PPP4R3B: variants seen among roughly 807,000 people sequenced by gnomAD.
PPP4R3B encodes protein phosphatase 4 regulatory subunit 3B.
PPP4R3B carries 52 observed loss-of-function variants against 95.4 expected under a neutral mutation model. The observed-to-expected ratio is 0.54, with a 90% confidence interval of 0.44 to 0.69. PPP4R3B has a LOEUF of 0.69. PPP4R3B is among the 30% of genes least tolerant of loss of function. The probability of loss-of-function intolerance (pLI) is 0.00; values close to 1 mark genes in which losing one functional copy is unlikely to be tolerated. For missense variants in PPP4R3B, 1,003 were observed against 1,005.9 expected, an observed-to-expected ratio of 1.00 and a Z score of 0.04; for synonymous variants, 407 against 343.9, an observed-to-expected ratio of 1.18 and a Z score of -2.03.
In PPP4R3B at chr2:55,577,315, C is replaced by T. The variant is rs143373895; in HGVS notation, c.1606G>A (p.Asp536Asn). 1.1e-4 allele frequency: 170 copies of T among 1,546,236 alleles called. No individual in the cohort carries two copies. Among genetic ancestry groups the T allele is most frequent in the African/African-American group, 2.8e-4 (20 of 71,242 alleles). The change falls in exon 11 of 17, where the codon GAT (aspartate) becomes AAT (asparagine). Residue 536 changes from aspartate to asparagine, a missense_variant and splice_region_variant. By Grantham distance (23) the Asp-to-Asn change is conservative. This residue lies in a region of PPP4R3B where 695 missense variants were observed against 686.2 expected (regional missense o/e 1.01). Transcript: ENST00000616407. ...GSNKNNTICP[D>N]NYQTAQLLAL... Reference sequence around the variant, plus strand: ...TCATAAAGTATGAATTCATACTTACCGGGACAAATTGTGTTGTTTTTGTTT... The same window carrying T: ...TCATAAAGTATGAATTCATACTTACTGGGACAAATTGTGTTGTTTTTGTTT...
intron 15 of PPP4R3B, among the ~76,000 whole-genome samples, chr2:55,561,184 C>T (rs1686566992): frequency 6.6e-6 from 1 of 152,102 alleles, no homozygotes; most frequent in Non-Finnish European, 1.5e-5. Flanking sequence ...TTAGAGCGTG[C>T]AAGCCCCAAC....
rs753640987 is a variant in PPP4R3B, at chr2:55,578,295, G to T, written c.1516C>A (p.Pro506Thr). ...YRYSWSFICTPSHSHSHSTPS... is the reference protein window; with the variant it reads ...YRYSWSFICTTSHSHSHSTPS... The stretch of plus-strand genomic sequence containing the variant: ...GTAGAATGGGAATGGGAATGTGAAG[G>T]GGTACATATGAAACTCCAACTATAT... The change falls in exon 10 of 17, where the codon CCT becomes ACT. Residue 506 changes from proline (P) to threonine (T), a missense_variant. This residue lies in a region of PPP4R3B where 695 missense variants were observed against 686.2 expected (regional missense o/e 1.01). Coordinates refer to ENST00000616407, the MANE Select transcript of PPP4R3B (RefSeq NM_001122964.3). 2.7e-6 allele frequency: 4 copies of T among 1,475,518 alleles called. No homozygotes were observed. In the South Asian group the frequency reaches 6.0e-5, roughly 22 times the overall value. The allele number at this position is 1,475,518 out of a possible 1,614,324, so 91.4% of individuals were successfully genotyped here.
At chr2:55,561,552 G>C (rs1005227063) in intron 15 of PPP4R3B, among the ~76,000 whole-genome samples, 1 of 152,204 alleles carries the variant, frequency 6.6e-6, no homozygotes, top group African/African-American at 2.4e-5. Flanking sequence ...GCAGCCATGG[G>C]GGCTGTACCT....
In PPP4R3B at chr2:55,558,773, A is replaced by G. The variant is rs769042074; in HGVS notation, c.2454+2T>C. ...GTTTGTGTGTAATGCTGTTTCACCT[A>G]CCTTGGTGGCTGTTACTGACGTAGG... On this transcript the variant is annotated splice_donor_variant, in intron 16 of 16. Coordinates refer to ENST00000616407, the MANE Select transcript of PPP4R3B (RefSeq NM_001122964.3). LOFTEE classifies it high-confidence loss of function. 1.9e-6 allele frequency: 3 copies of G among 1,594,566 alleles called. No individual in the cohort carries two copies. The highest frequency in any genetic ancestry group is 2.6e-6 in the Non-Finnish European group (3 of 1,167,678).
Position 55,547,975 on chromosome 2 carries a change from T to C in PPP4R3B, c.*1936A>G, listed in dbSNP as rs1684886526. On this transcript the variant is annotated 3_prime_UTR_variant, in exon 17 of 17. Coordinates refer to ENST00000616407, the MANE Select transcript of PPP4R3B (RefSeq NM_001122964.3). ...ATGTGGGCTTATTTTAAGAAGAAAT[T>C]TACTAAAAGCTGAGAGATGGGTCTC... 6.6e-6 allele frequency: 1 copy of C among 152,162 alleles called. No homozygotes were observed. The highest frequency in any genetic ancestry group is 2.1e-4 in the South Asian group (1 of 4,830). The allele number at this position is 152,162 out of a possible 1,614,324, so 9.4% of individuals were successfully genotyped here.
chr2:55,593,591 C>T (rs1389434240), intron 4 of PPP4R3B, among the ~76,000 whole-genome samples: 1 of 152,054 alleles, frequency 6.6e-6, no homozygotes, highest in Non-Finnish European at 1.5e-5. Flanking sequence ...CAGAGTGAGA[C>T]TTTAGGAAAT....
intron 2 of PPP4R3B, chr2:55,614,743 A>C (rs886833904): frequency 1.3e-5 from 2 of 152,224 alleles, no homozygotes; most frequent in South Asian, 4.1e-4. Flanking sequence ...CGTAACATTA[A>C]CATTGTTAAA....
intron 7 of PPP4R3B, among the ~76,000 whole-genome samples, chr2:55,582,328 T>C (rs1300725079): frequency 6.6e-6 from 1 of 152,068 alleles, no homozygotes. Flanking sequence ...AGTGGGGCAA[T>C]CTGGGCTCAC....
At chr2:55,605,904 C>CAAAAAA (rs35675375) in intron 2 of PPP4R3B, among the ~76,000 whole-genome samples, 6 of 86,430 alleles carry the variant, frequency 6.9e-5, no homozygotes, top group Non-Finnish European at 1.3e-4. Flanking sequence ...GACTCCGTCT[C>CAAAAAA]AAAAAAAAAA....
intron 3 of PPP4R3B, among the ~76,000 whole-genome samples, chr2:55,599,802 C>G (rs1559035551): frequency 6.7e-6 from 1 of 149,832 alleles, no homozygotes; most frequent in Non-Finnish European, 1.5e-5. Flanking sequence ...TTACCTTCAC[C>G]TTTAAGTCTC....
intron 16 of PPP4R3B, among the ~76,000 whole-genome samples, chr2:55,557,835 C>CAT (rs1475415312): frequency 2.6e-5 from 4 of 151,972 alleles, no homozygotes; most frequent in African/African-American, 9.7e-5. Flanking sequence ...TTTCATATAA[C>CAT]ATATGAACAA....
At chr2:55,606,687 G>C (rs886170727) in intron 2 of PPP4R3B, among the ~76,000 whole-genome samples, 1 of 151,960 alleles carries the variant, frequency 6.6e-6, no homozygotes, top group South Asian at 2.1e-4. Flanking sequence ...GCCGGGTGTG[G>C]TAGCAGCCAC....
Position 55,598,621 on chromosome 2 carries a change from CTA to C in PPP4R3B, c.714_715del (p.His238GlnfsTer20). On this transcript the variant is annotated frameshift_variant, in exon 4 of 17. Transcript: ENST00000616407. LOFTEE classifies it high-confidence loss of function. ...CTTTGCAGTTTTGGTCAAGAATTCT[CTA>C]TGTCTTTTTGGCTGAGCCAAAGCAG... 1 of 1,614,198 alleles carries C rather than the reference CTA, an allele frequency of 6.2e-7. No homozygotes were observed. The highest frequency in any genetic ancestry group is 8.5e-7 in the Non-Finnish European group (1 of 1,180,044).
chr2:55,604,229 T>C (rs959879103), intron 2 of PPP4R3B, among the ~76,000 whole-genome samples, 153 bp from the exon 3 acceptor site: 4 of 152,214 alleles, frequency 2.6e-5, no homozygotes, highest in Non-Finnish European at 5.9e-5. Flanking sequence ...ATTAGTAATA[T>C]ATTGGCAATA....
chr2:55,565,240 G>A (rs963157874), intron 13 of PPP4R3B, among the ~76,000 whole-genome samples, 199 bp from the exon 14 acceptor site: 1 of 151,274 alleles, frequency 6.6e-6, no homozygotes, highest in Non-Finnish European at 1.5e-5. Context: ...GCAATTTACT[G>A]GAGTCCTTTT....
chr2:55,607,124 T>C (rs1161837409), intron 2 of PPP4R3B, among the ~76,000 whole-genome samples: 3 of 152,196 alleles, frequency 2.0e-5, no homozygotes, highest in South Asian at 2.1e-4. Context: ...TATGAGACTA[T>C]AGAAATAAAA....
In PPP4R3B at chr2:55,553,938, CAT is replaced by C. The variant is rs551396513; in HGVS notation, c.2455-3934_2455-3933del. Among the ~76,000 whole-genome samples, 555 of 152,224 alleles carry C rather than the reference CAT, an allele frequency of 3.6e-3. 1 individual carries two copies. Among genetic ancestry groups the C allele is most frequent in the African/African-American group, 0.012 (497 of 41,522 alleles). On this transcript the variant is annotated intron_variant, in intron 16 of 16. Coordinates refer to ENST00000616407, the MANE Select transcript of PPP4R3B (RefSeq NM_001122964.3). ...TCATATACAAGTTTTACAGTGGACA[CAT>C]GTTTTCAATTTTCTTACAATATATA...
In PPP4R3B at chr2:55,564,969, G is replaced by T; in HGVS notation, c.2008C>A (p.Gln670Lys). ...TTAGTCTTCAATCCTTTGAATGTCT[G>T]AACATATTCAATCGATTCAAGTGCT... ...YKALESIEYVQTFKGLKTKYE... is the reference protein window; with the variant it reads ...YKALESIEYVKTFKGLKTKYE... The change falls in exon 14 of 17, where the codon CAG (glutamine) becomes AAG (lysine). Residue 670 changes from glutamine (Q) to lysine (K), a missense_variant. By Grantham distance (53) the Gln-to-Lys change is moderately conservative. This residue lies in a region of PPP4R3B where 79 missense variants were observed against 124.9 expected (regional missense o/e 0.63). Coordinates refer to ENST00000616407, the MANE Select transcript of PPP4R3B (RefSeq NM_001122964.3). 1 of 1,609,324 alleles carries T rather than the reference G, an allele frequency of 6.2e-7. No homozygotes were observed. The highest frequency in any genetic ancestry group is 1.1e-5 in the South Asian group (1 of 90,238).
chr2:55,578,004 A>G (rs933173932), intron 10 of PPP4R3B, among the ~76,000 whole-genome samples: 1 of 152,154 alleles, frequency 6.6e-6, no homozygotes, highest in South Asian at 2.1e-4. Context: ...CATCCTCATA[A>G]GAGAGGATTA....
Sources: allele counts gnomAD v4.1 joint callset (sites outside exome capture counted in the v4.1 genomes callset), GRCh38; gene constraint gnomAD v4.1.1; regional missense constraint gnomAD v4.1.1; transcripts MANE v1.5; gene names NCBI Gene and HGNC (gene_info 2026-07-23, HGNC 2026-07-21).